Variants in GRIP2 observed in about 807,000 individuals in gnomAD.
The protein encoded by GRIP2 is glutamate receptor interacting protein 2.
A neutral mutation model predicts 108.3 loss-of-function variants in GRIP2; 58 were observed. The ratio of observed to expected loss-of-function variants is 0.54; its 90% CI spans 0.43 to 0.67. The LOEUF (loss-of-function observed/expected upper bound fraction) is 0.67. GRIP2 is among the 30% of genes least tolerant of loss of function. The pLI, the probability that GRIP2 is intolerant of heterozygous loss-of-function variation, is 0.00. For missense variants in GRIP2, 1,278 were observed against 1,430.6 expected, an observed-to-expected ratio of 0.89 and a Z score of 1.72; for synonymous variants, 586 against 598.2, an observed-to-expected ratio of 0.98 and a Z score of 0.30.
At chr3:14,519,088 C>T (rs951762277) in intron 9 of GRIP2, among the ~76,000 whole-genome samples, 1 of 152,144 alleles carries the variant, frequency 6.6e-6, no homozygotes, top group African/African-American at 2.4e-5. Flanking sequence ...GGCCGCGGCA[C>T]CGAACCTGGC....
intron 20 of GRIP2, among the ~76,000 whole-genome samples, chr3:14,504,589 C>T (rs1249452930): frequency 1.3e-5 from 2 of 152,172 alleles, no homozygotes; most frequent in Non-Finnish European, 2.9e-5. Context: ...GGATTACAGG[C>T]GTGAGCCACT....
chr3:14,525,922 G>A lies in GRIP2; in HGVS notation c.50C>T (p.Pro17Leu), dbSNP rs1212713104. The A allele has an allele frequency of 4.5e-6, 7 of 1,557,880 alleles. No individual in the cohort carries two copies. The highest frequency in any genetic ancestry group is 6.1e-6 in the Non-Finnish European group (7 of 1,150,522). Residue 17 changes from proline to leucine, a missense_variant, in exon 2 of 24, where the codon CCC (proline) becomes CTC (leucine). Pro to Leu is a moderately conservative substitution (Grantham distance 98). Coordinates refer to ENST00000621039, the MANE Select transcript of GRIP2 (RefSeq NM_001080423.4). ...TGCGTCCTTGCCTCCTTTGGAGTAGGGCCCATCGTCTGCAGGAGAGAAAGA... is the reference window on the plus strand; with the variant it reads ...TGCGTCCTTGCCTCCTTTGGAGTAGAGCCCATCGTCTGCAGGAGAGAAAGA... ...RETPGEADDG[P>L]YSKGGKDAGG...
chr3:14,543,175 G>C (rs1230905972), upstream of GRIP2, among the ~76,000 whole-genome samples: 1 of 152,182 alleles, frequency 6.6e-6, no homozygotes. Context: ...CCAGGCCTGG[G>C]GTGGTCTACT....
At chr3:14,568,169 G>A in the GRIP2 span, among the ~76,000 whole-genome samples, 1 of 152,154 alleles carries the variant, frequency 6.6e-6, no homozygotes, top group Non-Finnish European at 1.5e-5. Flanking sequence ...GGAGGGTGTT[G>A]AAGAGAGGAG....
chr3:14,550,546 G>A (rs1695130317), intron 1 of GRIP2, among the ~76,000 whole-genome samples: 3 of 152,224 alleles, frequency 2.0e-5, no homozygotes, highest in Admixed American at 2.0e-4. Flanking sequence ...GGGGCCCTGA[G>A]TTCAACTCCT....
At chr3:14,513,857 C>T (rs1391977099) in intron 12 of GRIP2, 47 bp from the exon 13 acceptor site, 2 of 1,598,066 alleles carry the variant, frequency 1.3e-6, no homozygotes, top group Non-Finnish European at 1.7e-6. Flanking sequence ...GTGACAGGTC[C>T]ATTGGGAGAC....
In GRIP2 at chr3:14,491,452, A is replaced by G. The variant is rs528582388; in HGVS notation, c.*2213T>C. 1 of 152,410 alleles carries G rather than the reference A, an allele frequency of 6.6e-6. No homozygotes were observed. Among genetic ancestry groups the G allele is most frequent in the Admixed American group, 6.5e-5 (1 of 15,310 alleles). The allele number at this position is 152,410 out of a possible 1,614,324, so 9.4% of individuals were successfully genotyped here. On this transcript the variant is annotated 3_prime_UTR_variant, in exon 24 of 24. Coordinates refer to ENST00000621039, the MANE Select transcript of GRIP2 (RefSeq NM_001080423.4). ...GGGGCTGTTCCCAAAATGCATAGGC[A>G]GGCAGGGCGCTCACTGGGGAAAGGT...
chr3:14,576,085 G>A, the GRIP2 span, among the ~76,000 whole-genome samples: 6 of 152,250 alleles, frequency 3.9e-5, no homozygotes, highest in African/African-American at 1.4e-4. Flanking sequence ...GTGGATCAGG[G>A]GCGTGGTGAG....
intron 20 of GRIP2, among the ~76,000 whole-genome samples, chr3:14,504,935 C>T (rs551088668): frequency 6.6e-6 from 1 of 152,290 alleles, no homozygotes; most frequent in South Asian, 2.1e-4. Context: ...GCCAGATAGA[C>T]ACAAGGTGTT....
rs778603644 is a variant in GRIP2, at chr3:14,511,308, G to A, written c.1790C>T (p.Thr597Met). ...DIKKGSVAHR[T>M]GTLEPGDKLL... is the part of the protein sequence containing the mutation. ...CTTGTCGCCTGGCTCCAGGGTGCCCGTCCTGCATGAGTCGGGGGCAGAGGG... is the reference window on the plus strand; with the variant it reads ...CTTGTCGCCTGGCTCCAGGGTGCCCATCCTGCATGAGTCGGGGGCAGAGGG... The change falls in exon 16 of 24, where the codon ACG becomes ATG. Residue 597 changes from threonine (T) to methionine (M), a missense_variant and splice_region_variant. Transcript: ENST00000621039. This position sits in a 1 kb window ranked among gnomAD's most constrained non-coding sequence, Gnocchi z 4.1. 43 of 1,613,882 alleles carry A rather than the reference G, an allele frequency of 2.7e-5. No individual in the cohort carries two copies. The highest frequency in any genetic ancestry group is 1.1e-4 in the South Asian group (10 of 91,082).
the GRIP2 span, among the ~76,000 whole-genome samples, chr3:14,576,691 C>T: frequency 6.6e-6 from 1 of 152,240 alleles, no homozygotes; most frequent in African/African-American, 2.4e-5. Flanking sequence ...ACAAACATGG[C>T]CTCACTGGTG....
chr3:14,517,707 G>A, intron 10 of GRIP2, 65 bp downstream of exon 10: 2 of 1,580,700 alleles, frequency 1.3e-6, no homozygotes, highest in Non-Finnish European at 1.7e-6. Flanking sequence ...TTAGACAACA[G>A]GCATCGCCCC....
the GRIP2 span, among the ~76,000 whole-genome samples, chr3:14,569,638 C>T: frequency 1.3e-5 from 2 of 152,266 alleles, no homozygotes; most frequent in South Asian, 4.1e-4. Context: ...GGGGGTGCTG[C>T]AGTATTTTAA....
At chr3:14,600,525 G>A in the GRIP2 span, among the ~76,000 whole-genome samples, 1 of 152,286 alleles carries the variant, frequency 6.6e-6, no homozygotes, top group African/African-American at 2.4e-5. Flanking sequence ...CAACGTGTAG[G>A]CAGATGAGCT....
At chr3:14,498,463 T>TA (rs1693676672) in intron 21 of GRIP2, among the ~76,000 whole-genome samples, 1 of 151,956 alleles carries the variant, frequency 6.6e-6, no homozygotes, top group African/African-American at 2.4e-5. Context: ...ATCCTATCAC[T>TA]AAAAAATAAA....
In GRIP2 at chr3:14,540,314, C is replaced by A. The variant is rs1694936225; in HGVS notation, c.-6G>T. On this transcript the variant is annotated 5_prime_UTR_variant, in exon 1 of 24. Transcript: ENST00000621039. The surrounding 1 kb of genome is among the most constrained non-coding windows in gnomAD (Gnocchi z 4.1). ...CGGCTGAGCCCACACAGCATGTTCG[C>A]TATTGTCTCCCCTGCTGCCCACCAA... 4 of 1,613,694 alleles carry A rather than the reference C, an allele frequency of 2.5e-6. No homozygotes were observed. Among genetic ancestry groups the A allele is most frequent in the Non-Finnish European group, 3.4e-6 (4 of 1,179,768 alleles).
At chr3:14,544,661 G>A (rs1332682954), upstream of GRIP2, among the ~76,000 whole-genome samples, 2 of 152,202 alleles carry the variant, frequency 1.3e-5, no homozygotes, top group East Asian at 1.9e-4. Flanking sequence ...TGGGCTGTCC[G>A]TTGCTTCTTC....
In GRIP2 at chr3:14,493,785, C is replaced by CA; in HGVS notation, c.3011_3012insT (p.Val1005GlyfsTer9). The CA allele has an allele frequency of 6.2e-7, 1 of 1,613,500 alleles. No individual in the cohort carries two copies. The highest frequency in any genetic ancestry group is 8.5e-7 in the Non-Finnish European group (1 of 1,179,670). ...CACCCGCCTCGGCCAGGAGTGGCAC[C>CA]GCCAGGCAGCAGTCGAAGTCCCGTG... On this transcript the variant is annotated frameshift_variant, in exon 24 of 24. Coordinates refer to ENST00000621039, the MANE Select transcript of GRIP2 (RefSeq NM_001080423.4). LOFTEE classifies it high-confidence loss of function.
At chr3:14,533,439 T>A (rs188253560) in intron 1 of GRIP2, among the ~76,000 whole-genome samples, 4 of 152,344 alleles carry the variant, frequency 2.6e-5, no homozygotes, top group Admixed American at 2.0e-4. Flanking sequence ...GGATTATCTC[T>A]TAAGGAAAGG....
Sources: gnomAD v4.1 joint callset for allele counts (sites outside exome capture counted in the v4.1 genomes callset) on GRCh38, gnomAD v4.1.1 for gene constraint, Gnocchi (gnomAD v3.1) non-coding constraint, MANE v1.5 for transcripts, NCBI Gene and HGNC (gene_info 2026-07-23, HGNC 2026-07-21) for gene names.